The following GRIA2 variants were observed in gnomAD, a reference collection of about 807,000 sequenced individuals.
The protein encoded by GRIA2 is glutamate ionotropic receptor AMPA type subunit 2.
A neutral mutation model predicts 97.3 loss-of-function variants in GRIA2; 14 were observed. The observed-to-expected ratio is 0.14, with a 90% CI of 0.10 to 0.23. GRIA2 has a LOEUF of 0.23. Among genes scored for constraint, GRIA2 ranks in the 10% least tolerant of loss-of-function variants. The pLI, the probability that GRIA2 is intolerant of heterozygous loss-of-function variation, is 1.00. For synonymous variants in GRIA2, 412 were observed against 387.8 expected (o/e 1.06, Z -0.73); for missense variants, 558 against 1,069.8 (o/e 0.52, Z 6.67).
At chr4:157,259,213 G>C (rs1731417731) in intron 2 of GRIA2, among the ~76,000 whole-genome samples, 1 of 151,998 alleles carries the variant, frequency 6.6e-6, no homozygotes, top group Non-Finnish European at 1.5e-5. Flanking sequence ...GGGAAACACA[G>C]TGAGACCCTG....
chr4:157,330,601 T>G (rs1440033189), intron 6 of GRIA2, among the ~76,000 whole-genome samples: 1 of 151,966 alleles, frequency 6.6e-6, no homozygotes, highest in Non-Finnish European at 1.5e-5. Flanking sequence ...CAGTAATGTA[T>G]TATTGATTGG....
intron 2 of GRIA2, among the ~76,000 whole-genome samples, chr4:157,300,861 G>A (rs1363698891): frequency 2.0e-5 from 3 of 152,118 alleles, no homozygotes. Flanking sequence ...ATAACCAGGA[G>A]GTCCCTTGAC....
intron 11 of GRIA2, among the ~76,000 whole-genome samples, chr4:157,337,104 C>A (rs1735319107): frequency 6.6e-6 from 1 of 151,882 alleles, no homozygotes; most frequent in Non-Finnish European, 1.5e-5. Flanking sequence ...GGAAAATGGG[C>A]AACATTATTT....
At chr4:157,285,070 T>G (rs1045909369) in intron 2 of GRIA2, among the ~76,000 whole-genome samples, 3 of 151,714 alleles carry the variant, frequency 2.0e-5, no homozygotes, top group African/African-American at 7.2e-5. Context: ...TTTTTATATG[T>G]TATTAATTCT....
chr4:157,247,461 T>C (rs900762269), intron 2 of GRIA2, among the ~76,000 whole-genome samples: 4 of 152,126 alleles, frequency 2.6e-5, no homozygotes, highest in African/African-American at 9.7e-5. Flanking sequence ...GAAATGTACC[T>C]AGCATGTAGA....
At chr4:157,240,831 GTA>G (rs1211405215) in intron 2 of GRIA2, among the ~76,000 whole-genome samples, 1 of 151,740 alleles carries the variant, frequency 6.6e-6, no homozygotes, top group Non-Finnish European at 1.5e-5. Flanking sequence ...CTAGCATTAG[GTA>G]TATCTCCCAA....
At chr4:157,254,752 T>C (rs929089164) in intron 2 of GRIA2, among the ~76,000 whole-genome samples, 1 of 152,040 alleles carries the variant, frequency 6.6e-6, no homozygotes, top group Non-Finnish European at 1.5e-5. Flanking sequence ...CTTCTACTAA[T>C]TTGTTCTTGG....
chr4:157,282,167 T>C (rs1732635880), intron 2 of GRIA2, among the ~76,000 whole-genome samples: 1 of 152,158 alleles, frequency 6.6e-6, no homozygotes, highest in Non-Finnish European at 1.5e-5. Flanking sequence ...GTCTCTGTGA[T>C]GATTTTTTAT....
intron 12 of GRIA2, among the ~76,000 whole-genome samples, chr4:157,345,158 G>A (rs1735714662): frequency 1.3e-5 from 2 of 151,968 alleles, no homozygotes; most frequent in South Asian, 4.1e-4. Context: ...AATTGTTGGA[G>A]AAGTTCAATT....
chr4:157,353,553 G>C (rs1169969799), intron 12 of GRIA2, among the ~76,000 whole-genome samples: 2 of 151,696 alleles, frequency 1.3e-5, no homozygotes, highest in Non-Finnish European at 2.9e-5. Context: ...GTGGGCGCCT[G>C]TAGTCCCAGC....
At chr4:157,305,510 G>A (rs1733804296) in intron 3 of GRIA2, among the ~76,000 whole-genome samples, 1 of 152,026 alleles carries the variant, frequency 6.6e-6, no homozygotes, top group Admixed American at 6.6e-5. Context: ...AAAAATTTTA[G>A]TTGGCTTTAA....
chr4:157,268,649 A>G (rs1014985526), intron 2 of GRIA2, among the ~76,000 whole-genome samples: 1 of 152,022 alleles, frequency 6.6e-6, no homozygotes, highest in Non-Finnish European at 1.5e-5. Flanking sequence ...GTATACTCCA[A>G]AAAATTCCTT....
At chr4:157,230,597 T>TC (rs1729964196) in intron 2 of GRIA2, among the ~76,000 whole-genome samples, 2 of 146,472 alleles carry the variant, frequency 1.4e-5, no homozygotes, top group Admixed American at 1.4e-4. Flanking sequence ...CTTCCTTCCT[T>TC]CTTCCTTCCC....
intron 2 of GRIA2, among the ~76,000 whole-genome samples, chr4:157,299,878 T>G (rs1452053937): frequency 6.6e-6 from 1 of 152,186 alleles, no homozygotes; most frequent in Non-Finnish European, 1.5e-5. Context: ...TAAATGCAAT[T>G]CTAATATTAA....
chr4:157,361,725 A>C lies in GRIA2; in HGVS notation c.2406+601A>C, dbSNP rs1334791556. On this transcript the variant is annotated intron_variant, in intron 14 of 15. Transcript: ENST00000264426. The surrounding 1 kb of genome is among the most constrained non-coding windows in gnomAD (Gnocchi z 5.2). Reference sequence around the variant, plus strand: ...AGCAAAATCAAACCACAAGTGTGTTAGTGGGAATGACCCATCTTAAATAGA... The same window carrying C: ...AGCAAAATCAAACCACAAGTGTGTTCGTGGGAATGACCCATCTTAAATAGA... 2 of 995,224 alleles carry C rather than the reference A, an allele frequency of 2.0e-6. No homozygotes were observed. Among genetic ancestry groups the C allele is most frequent in the South Asian group, 1.3e-5 (1 of 75,554 alleles). 61.6% of individuals were successfully genotyped at this position (995,224 alleles called of 1,614,324 possible). A position where few individuals can be genotyped will look rare whatever the true frequency, so the allele number is the denominator to read the frequency against.
At chr4:157,266,665 T>C (rs770095681) in intron 2 of GRIA2, among the ~76,000 whole-genome samples, 6 of 152,048 alleles carry the variant, frequency 3.9e-5, no homozygotes, top group Non-Finnish European at 5.9e-5. Context: ...CATGGACTTA[T>C]CTGGAGATGT....
intron 2 of GRIA2, among the ~76,000 whole-genome samples, chr4:157,258,648 C>A (rs993904436): frequency 2.0e-5 from 3 of 152,054 alleles, no homozygotes; most frequent in Non-Finnish European, 4.4e-5. Flanking sequence ...GACCCACACC[C>A]TATTTGTACA....
At chr4:157,335,132 G>T (rs1735223548) in intron 9 of GRIA2, 2 of 159,520 alleles carry the variant, frequency 1.3e-5, no homozygotes, top group African/African-American at 2.4e-5. Flanking sequence ...TCTCACAGAT[G>T]AAGTGAGACC....
intron 9 of GRIA2, chr4:157,334,741 C>T (rs1022659795): frequency 6.6e-6 from 1 of 151,864 alleles, no homozygotes; most frequent in African/African-American, 2.4e-5. Context: ...CGTTATAGGA[C>T]AGAATTTTGT....
Sources: allele counts gnomAD v4.1 joint callset (sites outside exome capture counted in the v4.1 genomes callset), GRCh38; gene constraint gnomAD v4.1.1; non-coding constraint Gnocchi (gnomAD v3.1); transcripts MANE v1.5; gene names NCBI Gene and HGNC (gene_info 2026-07-23, HGNC 2026-07-21).